ZBTB4: variants seen among roughly 807,000 people sequenced by gnomAD.
ZBTB4 encodes zinc finger and BTB domain containing 4.
ZBTB4 carries 14 observed loss-of-function variants against 59.8 expected under a neutral mutation model. That is an observed-to-expected ratio of 0.23 (90% confidence interval 0.15 to 0.37). The LOEUF (loss-of-function observed/expected upper bound fraction) is 0.37, where lower values mean the gene tolerates loss of function less well. Among genes scored for constraint, ZBTB4 ranks in the 10% least tolerant of loss-of-function variants. ZBTB4 has a pLI of 1.00. For missense variants in ZBTB4, 1,198 were observed against 1,380.8 expected, an observed-to-expected ratio of 0.87 and a Z score of 2.10; for synonymous variants, 587 against 575.2, an observed-to-expected ratio of 1.02 and a Z score of -0.29.
chr17:7,482,850 A>C, upstream of ZBTB4: 1 of 1,611,882 alleles, frequency 6.2e-7, no homozygotes, highest in East Asian at 2.2e-5. Context: ...CTGCATTCCG[A>C]GGTGGTGGTG....
upstream of ZBTB4, chr17:7,482,732 C>G (rs761341310): frequency 2.5e-6 from 4 of 1,612,048 alleles, no homozygotes; most frequent in East Asian, 4.5e-5. Context: ...GCCCAGTGAT[C>G]TCCCGAGTTG....
At position 7,466,322 on chromosome 17, in the gene ZBTB4, T is replaced by A; in HGVS notation, c.480A>T (p.Val160=). ...GGCGCCCCAAAGCTCCAATCTCTGC[T>A]ACAGCTGCCCCGTCCCCTCCACCAC... is the stretch of plus-strand genomic sequence containing the variant. ...LPGGGGDGAA[V]AEIGALGRRL... The change falls in exon 3 of 4, where the codon GTA becomes GTT. Residue 160 remains valine, a synonymous_variant. Coordinates refer to ENST00000380599, the MANE Select transcript of ZBTB4 (RefSeq NM_001128833.2). This position sits in a 1 kb window ranked among gnomAD's most constrained non-coding sequence, Gnocchi z 9.1. 1.2e-6 allele frequency: 2 copies of A among 1,613,940 alleles called. No homozygotes were observed. Among genetic ancestry groups the A allele is most frequent in the Non-Finnish European group, 1.7e-6 (2 of 1,179,982 alleles).
intron 3 of ZBTB4, among the ~76,000 whole-genome samples, chr17:7,465,192 C>T (rs1424539983): frequency 1.8e-4 from 26 of 146,130 alleles, no homozygotes; most frequent in African/African-American, 5.9e-4. Context: ...GGTGTGGTGG[C>T]TCACGCCTGT....
chr17:7,481,995 G>T (rs752534462), upstream of ZBTB4: 1 of 1,593,012 alleles, frequency 6.3e-7, no homozygotes, highest in South Asian at 1.1e-5. Context: ...CAGGCTGGCA[G>T]TCACCCCTAC....
At position 7,463,257 on chromosome 17, in the gene ZBTB4, C is replaced by G. The variant is rs1302379702; in HGVS notation, c.1725G>C (p.Val575=). The G allele has an allele frequency of 1.2e-6, 2 of 1,611,934 alleles. No individual in the cohort carries two copies. Among genetic ancestry groups the G allele is most frequent in the South Asian group, 2.2e-5 (2 of 90,694 alleles). The change falls in exon 4 of 4, where the codon GTG becomes GTC. Residue 575 remains valine (V), a synonymous_variant. Coordinates refer to ENST00000380599, the MANE Select transcript of ZBTB4 (RefSeq NM_001128833.2). The part of the protein sequence containing the change: ...GRTLTYTAKP[V]GGIGGGGGPP... ...GACCCCCACCTCCACCAATCCCGCCCACTGGCTTGGCTGTGTAAGTCAGAG... is the reference window on the plus strand; with the variant it reads ...GACCCCCACCTCCACCAATCCCGCCGACTGGCTTGGCTGTGTAAGTCAGAG...
chr17:7,466,676 A>G lies in ZBTB4; in HGVS notation c.126T>C (p.Pro42=), dbSNP rs756882429. The G allele has an allele frequency of 6.2e-7, 1 of 1,612,582 alleles. No individual in the cohort carries two copies. Among genetic ancestry groups the G allele is most frequent in the Non-Finnish European group, 8.5e-7 (1 of 1,179,610 alleles). Residue 42 remains proline, a synonymous_variant, in exon 3 of 4, where the codon CCT becomes CCC. Coordinates refer to ENST00000380599, the MANE Select transcript of ZBTB4 (RefSeq NM_001128833.2). This position sits in a 1 kb window ranked among gnomAD's most constrained non-coding sequence, Gnocchi z 9.1. ...VTLIAGDTKF[P]AHRSVLAASS... ...AAGCAGCCAGGACGCTGCGGTGAGC[A>G]GGGAACTTGGTGTCTCCGGCTATGA... is the stretch of plus-strand genomic sequence containing the variant.
rs752284247 is a variant in ZBTB4 at position 7,466,160 on chromosome 17, C to T, written c.642G>A (p.Glu214=). The T allele has an allele frequency of 1.2e-6, 2 of 1,612,966 alleles. No individual in the cohort carries two copies. The highest frequency in any genetic ancestry group is 1.7e-5 in the Admixed American group (1 of 60,004). ...GGGCCTGGGCCTCAGCCCTGTCACC[C>T]TCCCACTCCCCAGCTGGCCTGGGCC... is the stretch of plus-strand genomic sequence containing the variant. ...GPGPRPAGEW[E]GDRAEAQAPD... is the part of the protein sequence containing the mutation. The change falls in exon 3 of 4, where the codon GAG becomes GAA. Residue 214 remains glutamate, a synonymous_variant. Coordinates refer to ENST00000380599, the MANE Select transcript of ZBTB4 (RefSeq NM_001128833.2). The surrounding 1 kb of genome is among the most constrained non-coding windows in gnomAD (Gnocchi z 9.1).
chr17:7,468,432 C>T (rs2070156593), intron 1 of ZBTB4, among the ~76,000 whole-genome samples: 1 of 152,156 alleles, frequency 6.6e-6, no homozygotes, highest in African/African-American at 2.4e-5. Context: ...CAAGCTCAGG[C>T]AGTCAGCAGC....
upstream of ZBTB4, among the ~76,000 whole-genome samples, chr17:7,480,064 G>GAA (rs1567693160): frequency 2.0e-5 from 3 of 151,804 alleles, no homozygotes; most frequent in Admixed American, 6.6e-5. Flanking sequence ...GGCCAGCCCT[G>GAA]GACACACACA....
upstream of ZBTB4, chr17:7,483,078 G>A: frequency 1.3e-6 from 2 of 1,589,646 alleles, no homozygotes; most frequent in Non-Finnish European, 1.7e-6. Context: ...CATGGGAGGA[G>A]AAGTGACTGG....
intron 1 of ZBTB4, among the ~76,000 whole-genome samples, chr17:7,470,597 G>C (rs530858362): frequency 1.4e-4 from 22 of 152,284 alleles, no homozygotes; most frequent in African/African-American, 4.6e-4. Flanking sequence ...TCAGGAGGCT[G>C]AGGCAGGAGA....
Position 7,461,883 on chromosome 17 carries a change from G to A in ZBTB4, c.*57C>T. 4.8e-6 allele frequency: 7 copies of A among 1,447,984 alleles called. No individual in the cohort carries two copies. The South Asian group carries it at 6.9e-5, about 14-fold the overall frequency. 89.7% of individuals were successfully genotyped at this position (1,447,984 alleles called of 1,614,324 possible). A position where few individuals can be genotyped will look rare whatever the true frequency, so the allele number is the denominator to read the frequency against. The stretch of plus-strand genomic sequence containing the variant: ...GGGCAGGGAGGCCAGGGAGCTGGTA[G>A]TGGTGGGGGGTTCAGGGAGGGTGGC... On this transcript the variant is annotated 3_prime_UTR_variant, in exon 4 of 4. Transcript: ENST00000380599.
At chr17:7,477,532 C>T (rs905832573) in intron 1 of ZBTB4, among the ~76,000 whole-genome samples, 4 of 152,304 alleles carry the variant, frequency 2.6e-5, no homozygotes, top group East Asian at 3.9e-4. Context: ...CCAGTGGGGC[C>T]GGGCACAGTA....
At chr17:7,477,814 A>C (rs2070289301) in intron 1 of ZBTB4, among the ~76,000 whole-genome samples, 1 of 152,082 alleles carries the variant, frequency 6.6e-6, no homozygotes. Flanking sequence ...CCTTTACATA[A>C]ACATGGCCAA....
upstream of ZBTB4, among the ~76,000 whole-genome samples, chr17:7,481,810 C>T (rs1266842231): frequency 2.6e-5 from 4 of 152,066 alleles, no homozygotes; most frequent in Admixed American, 2.6e-4. Flanking sequence ...TGCTCCAGGC[C>T]CACATTATAA....
upstream of ZBTB4, chr17:7,484,184 ATTC>A (rs996826417): frequency 2.6e-5 from 4 of 153,754 alleles, no homozygotes; most frequent in African/African-American, 7.2e-5. Context: ...AAAGAAAAAA[ATTC>A]TTCTCTCCCT....
At chr17:7,471,829 GAGA>G (rs2070201339) in intron 1 of ZBTB4, among the ~76,000 whole-genome samples, 1 of 152,174 alleles carries the variant, frequency 6.6e-6, no homozygotes, top group South Asian at 2.1e-4. Context: ...AAATGGTGGG[GAGA>G]AGTAGTGAAG....
chr17:7,481,050 T>C (rs1351528218), upstream of ZBTB4, among the ~76,000 whole-genome samples: 1 of 151,922 alleles, frequency 6.6e-6, no homozygotes, highest in Non-Finnish European at 1.5e-5. Context: ...TCCCAGGTAC[T>C]TGGGAGGATG....
intron 1 of ZBTB4, among the ~76,000 whole-genome samples, chr17:7,472,634 C>CTTTTTTTTTT (rs71157290): frequency 9.6e-5 from 7 of 72,938 alleles, no homozygotes; most frequent in African/African-American, 1.2e-4. Flanking sequence ...CCTGGCCATT[C>CTTTTTTTTTT]TTTTTTTTTT....
Sources: gnomAD v4.1 joint callset for allele counts (sites outside exome capture counted in the v4.1 genomes callset) on GRCh38, gnomAD v4.1.1 for gene constraint, Gnocchi (gnomAD v3.1) non-coding constraint, MANE v1.5 for transcripts, NCBI Gene and HGNC (gene_info 2026-07-23, HGNC 2026-07-21) for gene names.